Variants in HLF observed in about 807,000 individuals in gnomAD.
HLF encodes the protein HLF transcription factor, PAR bZIP family member.
HLF carries 3 observed loss-of-function variants against 22.6 expected under a neutral mutation model. The ratio of observed to expected loss-of-function variants is 0.13; its 90% CI spans 0.06 to 0.34. HLF has a LOEUF of 0.34. Ranked by LOEUF, HLF falls within the 10% of genes least tolerant of loss-of-function variation. The pLI is 1.00. For missense variants in HLF, 299 were observed against 389.2 expected (o/e 0.77, Z 1.95); for synonymous variants, 151 against 151.8 (o/e 0.99, Z 0.04).
intron 2 of HLF, among the ~76,000 whole-genome samples, chr17:55,273,275 G>A (rs2080874448): frequency 6.6e-6 from 1 of 152,118 alleles, no homozygotes; most frequent in African/African-American, 2.4e-5. Flanking sequence ...TCTCCCTTGG[G>A]GTTTTGGCAG....
intron 2 of HLF, among the ~76,000 whole-genome samples, chr17:55,277,320 T>C (rs376198890): frequency 5.5e-4 from 22 of 40,334 alleles, no homozygotes; most frequent in Middle Eastern, 0.017. Flanking sequence ...GGTTTGTGGG[T>C]GGGGGTGGGA....
At chr17:55,304,069 G>A (rs1357437550) in intron 2 of HLF, among the ~76,000 whole-genome samples, 2 of 152,026 alleles carry the variant, frequency 1.3e-5, no homozygotes, top group Non-Finnish European at 2.9e-5. Context: ...TTTCCCATTC[G>A]TGACCATCCC....
chr17:55,293,470 C>T lies in HLF; in HGVS notation c.452-21757C>T, dbSNP rs538342167. Among the ~76,000 whole-genome samples, 5 of 152,294 alleles carry T rather than the reference C, an allele frequency of 3.3e-5. No individual in the cohort carries two copies. The South Asian group carries it at 8.3e-4, about 25-fold the overall frequency. ...TTTTCTCTGACTACAGAGCTCCTAT[C>T]AAACGGATGGGTAGAAAAGGAATGT... On this transcript the variant is annotated intron_variant, in intron 2 of 3. Transcript: ENST00000226067.
At chr17:55,305,183 G>T (rs1250186584) in intron 2 of HLF, among the ~76,000 whole-genome samples, 1 of 152,218 alleles carries the variant, frequency 6.6e-6, no homozygotes, top group African/African-American at 2.4e-5. Flanking sequence ...GTGAGCCGTG[G>T]TCTCTGGCCT....
intron 2 of HLF, among the ~76,000 whole-genome samples, chr17:55,288,039 C>T (rs1357126888): frequency 1.3e-5 from 2 of 152,182 alleles, no homozygotes; most frequent in Non-Finnish European, 2.9e-5. Flanking sequence ...AGATGTGAGT[C>T]AGGATGGTCT....
intron 2 of HLF, among the ~76,000 whole-genome samples, chr17:55,297,757 T>TA (rs1343393015): frequency 7.1e-6 from 1 of 140,404 alleles, no homozygotes; most frequent in African/African-American, 2.7e-5. Context: ...TTTTTTTTTT[T>TA]TTTTTTGAGA....
chr17:55,267,982 C>T lies in HLF; in HGVS notation c.347C>T (p.Ala116Val). Reference sequence around the variant, plus strand: ...CCTCACCCTCCTGGGCTGCAGCCAGCTTCCTCGGCTGCCCCCTCGGTCATG... The same window carrying T: ...CCTCACCCTCCTGGGCTGCAGCCAGTTTCCTCGGCTGCCCCCTCGGTCATG... Reference protein sequence around the residue: ...HSPHPPGLQPASSAAPSVMDL... With the variant: ...HSPHPPGLQPVSSAAPSVMDL... The change falls in exon 2 of 4, where the codon GCT (alanine) becomes GTT (valine). Residue 116 changes from alanine (A) to valine (V), a missense_variant. Physicochemically the swap from Ala to Val is moderately conservative, Grantham distance 64. This residue lies in a region of HLF where 224 missense variants were observed against 298.1 expected (regional missense o/e 0.75). Transcript: ENST00000226067. The T allele has an allele frequency of 6.2e-7, 1 of 1,613,984 alleles. No individual in the cohort carries two copies. The highest frequency in any genetic ancestry group is 1.1e-5 in the South Asian group (1 of 91,076).
At chr17:55,285,356 G>A (rs2080994884) in intron 2 of HLF, among the ~76,000 whole-genome samples, 1 of 152,140 alleles carries the variant, frequency 6.6e-6, no homozygotes, top group Non-Finnish European at 1.5e-5. Flanking sequence ...CATTTGTGCA[G>A]GATCATGTTT....
At chr17:55,266,126 T>C (rs2145286797) in intron 1 of HLF, 1 of 152,196 alleles carries the variant, frequency 6.6e-6, no homozygotes, top group South Asian at 2.1e-4. Context: ...ACTCGTTTTC[T>C]TCTGGTGAAG....
intron 3 of HLF, among the ~76,000 whole-genome samples, chr17:55,317,506 T>G (rs531629212): frequency 6.6e-6 from 1 of 152,344 alleles, no homozygotes; most frequent in Admixed American, 6.5e-5. Flanking sequence ...TTACACATAT[T>G]GCTGCTGTCA....
chr17:55,319,138 G>C (rs2145377699), intron 3 of HLF: 1 of 152,328 alleles, frequency 6.6e-6, no homozygotes, highest in South Asian at 2.1e-4. Flanking sequence ...CTTTATTTAA[G>C]ATGATAGTAC....
At chr17:55,287,535 A>T (rs2081017175) in intron 2 of HLF, among the ~76,000 whole-genome samples, 1 of 152,246 alleles carries the variant, frequency 6.6e-6, no homozygotes, top group African/African-American at 2.4e-5. Flanking sequence ...TTTATAATTA[A>T]GTGAAACAAT....
In HLF at chr17:55,324,319, A is replaced by T. The variant is rs77718159; in HGVS notation, c.*3440A>T. 4,031 of 227,992 alleles carry T rather than the reference A, an allele frequency of 0.018. 132 individuals are homozygous for T. The highest frequency in any genetic ancestry group is 0.075 in the African/African-American group (3,401 of 45,112). 14.1% of individuals were successfully genotyped at this position (227,992 alleles called of 1,614,324 possible). ...AACTCACAGTAATTCCAAATGTACA[A>T]TCAGATGTCTAGGGTCTGTTTTCGG... On this transcript the variant is annotated 3_prime_UTR_variant, in exon 4 of 4. Transcript: ENST00000226067.
At chr17:55,316,512 A>G (rs1168259851) in intron 3 of HLF, among the ~76,000 whole-genome samples, 1 of 152,260 alleles carries the variant, frequency 6.6e-6, no homozygotes, top group East Asian at 1.9e-4. Flanking sequence ...GCTGTCATCC[A>G]CATTCCTGAG....
chr17:55,315,343 C>A lies in HLF; in HGVS notation c.568C>A (p.Gln190Lys). The change falls in exon 3 of 4, where the codon CAG (glutamine) becomes AAG (lysine). Residue 190 changes from glutamine to lysine, a missense_variant. By Grantham distance (53) the Gln-to-Lys change is moderately conservative (BLOSUM62 1). This residue lies in a region of HLF where 224 missense variants were observed against 298.1 expected (regional missense o/e 0.75). Transcript: ENST00000226067. ...ADLALSSIPG[Q>K]EMFDPRKRKF... The stretch of plus-strand genomic sequence containing the variant: ...TCTTGCCCTTTCCAGCATCCCTGGC[C>A]AGGAAATGTTTGACCCTCGCAAACG... 6.2e-7 allele frequency: 1 copy of A among 1,614,148 alleles called. No individual in the cohort carries two copies. The highest frequency in any genetic ancestry group is 8.5e-7 in the Non-Finnish European group (1 of 1,180,006).
In HLF at chr17:55,321,672, C is replaced by T; in HGVS notation, c.*793C>T. 4.4e-6 allele frequency: 1 copy of T among 228,376 alleles called. No homozygotes were observed. The highest frequency in any genetic ancestry group is 8.7e-6 in the Non-Finnish European group (1 of 114,918). The allele number at this position is 228,376 out of a possible 1,614,324, so 14.1% of individuals were successfully genotyped here. A position where few individuals can be genotyped will look rare whatever the true frequency, so the allele number is the denominator to read the frequency against. On this transcript the variant is annotated 3_prime_UTR_variant, in exon 4 of 4. Coordinates refer to ENST00000226067, the MANE Select transcript of HLF (RefSeq NM_002126.5). ...TAGTGGACGTAGGATATTTTCCCTACCTAAGAATTTCACTGTCTTTTAAAA... is the reference window on the plus strand; with the variant it reads ...TAGTGGACGTAGGATATTTTCCCTATCTAAGAATTTCACTGTCTTTTAAAA...
intron 2 of HLF, among the ~76,000 whole-genome samples, chr17:55,309,116 G>C (rs944869576): frequency 6.6e-6 from 1 of 152,206 alleles, no homozygotes; most frequent in Non-Finnish European, 1.5e-5. Flanking sequence ...GCTCTGCCTG[G>C]AAGTGCAGGT....
chr17:55,288,368 T>A lies in HLF; in HGVS notation c.451+20282T>A, dbSNP rs150884017. On this transcript the variant is annotated intron_variant, in intron 2 of 3. Coordinates refer to ENST00000226067, the MANE Select transcript of HLF (RefSeq NM_002126.5). ...TCACCATGGTGGCCAGGGTGGTCTC[T>A]AACTCCTGACCTCAAGTGATCCGCC... 4.1e-3 allele frequency among the ~76,000 whole-genome samples: 621 copies of A among 152,120 alleles called. 32 individuals carry two copies. In the East Asian group the frequency reaches 0.11, roughly 26 times the overall value.
Position 55,320,657 on chromosome 17 carries a change from T to C in HLF, c.673-7T>C, listed in dbSNP as rs759547310. On this transcript the variant is annotated splice_polypyrimidine_tract_variant and splice_region_variant and intron_variant, in intron 3 of 3. Coordinates refer to ENST00000226067, the MANE Select transcript of HLF (RefSeq NM_002126.5). This position sits in a 1 kb window ranked among gnomAD's most constrained non-coding sequence, Gnocchi z 4.2. ...GTTTCTTTTTCCCTTCTGTAACTAA[T>C]GAGCAGGATGACAAGTACTGGGCAA... The C allele has an allele frequency of 1.9e-6, 3 of 1,613,330 alleles. No homozygotes were observed. Among genetic ancestry groups the C allele is most frequent in the South Asian group, 2.2e-5 (2 of 91,050 alleles).
Sources: allele counts gnomAD v4.1 joint callset (sites outside exome capture counted in the v4.1 genomes callset), GRCh38; gene constraint gnomAD v4.1.1; regional missense constraint gnomAD v4.1.1; non-coding constraint Gnocchi (gnomAD v3.1); transcripts MANE v1.5; gene names NCBI Gene and HGNC (gene_info 2026-07-23, HGNC 2026-07-21).